The following WDR7 variants were observed in gnomAD, a reference collection of about 807,000 sequenced individuals.
WDR7 encodes WD repeat-containing protein 7.
In WDR7, 46 loss-of-function variants were observed where a neutral mutation model predicts 169.4. That is an observed-to-expected ratio of 0.27 (90% confidence interval 0.21 to 0.35). The LOEUF (loss-of-function observed/expected upper bound fraction) is 0.35, where lower values mean the gene tolerates loss of function less well. WDR7 is among the 10% of genes least tolerant of loss of function. The pLI, the probability that WDR7 is intolerant of heterozygous loss-of-function variation, is 1.00. For missense variants in WDR7, 1,534 were observed against 1,859.3 expected (o/e 0.83, Z 3.22); for synonymous variants, 612 against 666.8 (o/e 0.92, Z 1.27).
intron 19 of WDR7, among the ~76,000 whole-genome samples, chr18:56,800,235 G>A (rs2044649752): frequency 6.6e-6 from 1 of 152,010 alleles, no homozygotes. Flanking sequence ...CTAAATCATT[G>A]GTTAGATATG....
chr18:57,001,150 T>C (rs935538444), intron 26 of WDR7, among the ~76,000 whole-genome samples: 8 of 150,342 alleles, frequency 5.3e-5, no homozygotes, highest in Non-Finnish European at 4.4e-5. Flanking sequence ...CAAGCAATCC[T>C]GAATCAATAG....
chr18:56,693,570 TTTG>T lies in WDR7; in HGVS notation c.967-1046_967-1044del, dbSNP rs1265280438. Among the ~76,000 whole-genome samples, 143 of 55,384 alleles carry T rather than the reference TTTG, an allele frequency of 2.6e-3. 58 individuals carry two copies. Among genetic ancestry groups the T allele is most frequent in the Non-Finnish European group, 3.8e-3 (80 of 21,182 alleles). 36.3% of individuals were successfully genotyped at this position (55,384 alleles called of 152,430 possible). On this transcript the variant is annotated intron_variant, in intron 9 of 27. Transcript: ENST00000254442. ...TAGTTCAATTTTGTTGGTTTTTTTT[TTTG>T]TTTTTTTTTTTTTTTTGAGATGGAG...
intron 14 of WDR7, among the ~76,000 whole-genome samples, chr18:56,737,950 T>C (rs1051120140): frequency 4.6e-5 from 7 of 152,304 alleles, no homozygotes; most frequent in Non-Finnish European, 4.4e-5. Flanking sequence ...AATATGAGTA[T>C]GTTGATAATA....
intron 20 of WDR7, among the ~76,000 whole-genome samples, chr18:56,828,959 G>A (rs1203310106): frequency 1.3e-5 from 2 of 151,854 alleles, no homozygotes; most frequent in African/African-American, 2.4e-5. Context: ...TATAAAACCT[G>A]TCTTGCCCCT....
At chr18:56,653,117 G>T (rs1022008649) in intron 1 of WDR7, among the ~76,000 whole-genome samples, 4 of 151,990 alleles carry the variant, frequency 2.6e-5, no homozygotes, top group Admixed American at 6.6e-5. Context: ...AGTCCTTAAA[G>T]TTCATTTTGG....
intron 21 of WDR7, among the ~76,000 whole-genome samples, chr18:56,888,275 A>G (rs2046223202): frequency 6.6e-6 from 1 of 152,248 alleles, no homozygotes; most frequent in Non-Finnish European, 1.5e-5. Context: ...CTTTACATAT[A>G]TTGAAATCAC....
rs551221865 is a variant in WDR7, at chr18:56,659,856, AT to A, written c.-20+8291del. Reference sequence around the variant, plus strand: ...GATTTTGAGATGTGATCACAGCATGATTTTTTTTTTTAATAGTGTCACTCTA... The same window carrying A: ...GATTTTGAGATGTGATCACAGCATGATTTTTTTTTTAATAGTGTCACTCTA... On this transcript the variant is annotated intron_variant, in intron 1 of 27. Coordinates refer to ENST00000254442, the MANE Select transcript of WDR7 (RefSeq NM_015285.3). Among the ~76,000 whole-genome samples the A allele has an allele frequency of 1.6e-3, 237 of 148,402 alleles. 3 individuals carry two copies. In the East Asian group the frequency reaches 0.022, roughly 13 times the overall value.
At chr18:57,009,848 AG>A (rs1282961612) in intron 26 of WDR7, 2 of 985,328 alleles carry the variant, frequency 2.0e-6, no homozygotes, top group Admixed American at 1.2e-4. Flanking sequence ...GCACTATACC[AG>A]GCAAAGGAGA....
chr18:56,862,211 AT>A (rs2045814935), intron 20 of WDR7, among the ~76,000 whole-genome samples: 1 of 151,890 alleles, frequency 6.6e-6, no homozygotes, highest in East Asian at 1.9e-4. Context: ...TGCATACTTT[AT>A]TTTTTAATGT....
At chr18:56,987,938 AAC>A (rs1362122177) in intron 26 of WDR7, among the ~76,000 whole-genome samples, 2 of 152,252 alleles carry the variant, frequency 1.3e-5, no homozygotes, top group African/African-American at 4.8e-5. Context: ...ACTGTGTGAA[AAC>A]ACAATTTAAA....
At chr18:57,000,356 C>T (rs1368444139) in intron 26 of WDR7, among the ~76,000 whole-genome samples, 2 of 151,966 alleles carry the variant, frequency 1.3e-5, no homozygotes, top group Non-Finnish European at 2.9e-5. Flanking sequence ...TCCTGTTTTT[C>T]TTAATAAAAA....
intron 17 of WDR7, 68 bp downstream of exon 17, chr18:56,776,948 A>T: frequency 2.9e-6 from 4 of 1,396,396 alleles, no homozygotes. Flanking sequence ...TGTTCTTTTT[A>T]TCTGAGTTAC....
chr18:56,973,904 G>A (rs2047526769), intron 26 of WDR7, among the ~76,000 whole-genome samples: 1 of 152,146 alleles, frequency 6.6e-6, no homozygotes, highest in African/African-American at 2.4e-5. Context: ...CAAAAATGTT[G>A]CTCAAGTGTA....
chr18:56,881,031 G>A (rs1204522874), intron 21 of WDR7, among the ~76,000 whole-genome samples: 1 of 151,946 alleles, frequency 6.6e-6, no homozygotes, highest in Non-Finnish European at 1.5e-5. Flanking sequence ...TGCTTTTTTG[G>A]CCTTTAAGCA....
chr18:56,836,132 A>C (rs2045392532), intron 20 of WDR7, among the ~76,000 whole-genome samples: 1 of 152,216 alleles, frequency 6.6e-6, no homozygotes. Context: ...TGTTTTGTTG[A>C]GTGGTTAGAA....
chr18:56,796,971 C>T (rs1386992929), intron 19 of WDR7, among the ~76,000 whole-genome samples: 1 of 152,104 alleles, frequency 6.6e-6, no homozygotes, highest in Non-Finnish European at 1.5e-5. Flanking sequence ...GACTGTCTTT[C>T]CTTTGCTGGG....
chr18:57,035,880 A>G, the WDR7 span: 1 of 152,244 alleles, frequency 6.6e-6, no homozygotes, highest in South Asian at 2.1e-4. Context: ...AAGAAATCGA[A>G]AATGGATCAC....
chr18:57,012,694 G>A (rs1219805046), intron 26 of WDR7, among the ~76,000 whole-genome samples: 2 of 152,186 alleles, frequency 1.3e-5, no homozygotes, highest in African/African-American at 4.8e-5. Flanking sequence ...AAGTGTTAGT[G>A]TATAATATAC....
At position 56,808,709 on chromosome 18, in the gene WDR7, G is replaced by GA. The variant is rs1393776982; in HGVS notation, c.3191-7315dup. Among the ~76,000 whole-genome samples, 5 of 152,066 alleles carry GA rather than the reference G, an allele frequency of 3.3e-5. No individual in the cohort carries two copies. The East Asian group carries it at 9.7e-4, about 29-fold the overall frequency. On this transcript the variant is annotated intron_variant, in intron 19 of 27. Transcript: ENST00000254442. Reference sequence around the variant, plus strand: ...TTACTCAGATATTGTTAGCCAGTTGGAAAAAAATTCATAAAGGTAATTTAC... The same window carrying GA: ...TTACTCAGATATTGTTAGCCAGTTGGAAAAAAAATTCATAAAGGTAATTTAC...
Sources: allele counts gnomAD v4.1 joint callset (sites outside exome capture counted in the v4.1 genomes callset), GRCh38; gene constraint gnomAD v4.1.1; transcripts MANE v1.5; gene names NCBI Gene and HGNC (gene_info 2026-07-23, HGNC 2026-07-21).